HACD2: variants seen among roughly 807,000 people sequenced by gnomAD.
HACD2 encodes very-long-chain (3R)-3-hydroxyacyl-CoA dehydratase 2.
A neutral mutation model predicts 31.0 loss-of-function variants in HACD2; 15 were observed. That is an observed-to-expected ratio of 0.48 (90% CI 0.32 to 0.75). The LOEUF (loss-of-function observed/expected upper bound fraction) is 0.75, where lower values mean the gene tolerates loss of function less well. Among genes scored for constraint, HACD2 ranks in the 30% least tolerant of loss-of-function variants. The pLI, the probability that HACD2 is intolerant of heterozygous loss-of-function variation, is 0.03. For missense variants in HACD2, 283 were observed against 313.0 expected, an observed-to-expected ratio of 0.90 and a Z score of 0.72; for synonymous variants, 115 against 122.2, an observed-to-expected ratio of 0.94 and a Z score of 0.39.
intron 6 of HACD2, among the ~76,000 whole-genome samples, chr3:123,497,858 G>A (rs2055853655): frequency 1.3e-5 from 2 of 152,222 alleles, no homozygotes; most frequent in Admixed American, 6.5e-5. Context: ...AAAAGGAGGT[G>A]TTACTTTATA....
chr3:123,561,223 T>C (rs1351813870), intron 3 of HACD2, among the ~76,000 whole-genome samples: 1 of 152,160 alleles, frequency 6.6e-6, no homozygotes, highest in African/African-American at 2.4e-5. Flanking sequence ...CTTTGTTACC[T>C]AATAAAATCA....
intron 3 of HACD2, among the ~76,000 whole-genome samples, chr3:123,547,963 T>C (rs2107728014): frequency 6.6e-6 from 1 of 152,092 alleles, no homozygotes; most frequent in East Asian, 1.9e-4. Flanking sequence ...AAGCACACAG[T>C]AAGCAAGTGG....
At chr3:123,514,105 C>A (rs1405143487) in intron 4 of HACD2, among the ~76,000 whole-genome samples, 1 of 151,974 alleles carries the variant, frequency 6.6e-6, no homozygotes, top group Non-Finnish European at 1.5e-5. Flanking sequence ...TGAAACCCTG[C>A]CACTACAAAA....
chr3:123,549,727 G>A (rs2056598486), intron 3 of HACD2, among the ~76,000 whole-genome samples: 1 of 152,110 alleles, frequency 6.6e-6, no homozygotes, highest in African/African-American at 2.4e-5. Flanking sequence ...AAACCTGGGT[G>A]ACAGAGCAAG....
At position 123,493,718 on chromosome 3, in the gene HACD2, T is replaced by C. The variant is rs1194065221; in HGVS notation, c.*1170A>G. 1 of 152,218 alleles carries C rather than the reference T, an allele frequency of 6.6e-6. No homozygotes were observed. The highest frequency in any genetic ancestry group is 1.5e-5 in the Non-Finnish European group (1 of 68,040). The allele number at this position is 152,218 out of a possible 1,614,324, so 9.4% of individuals were successfully genotyped here. The stretch of plus-strand genomic sequence containing the variant: ...TGAGGATGTGACATGGATTAGACAA[T>C]GTCGGTAGTACCAAACTATTTCTTG... On this transcript the variant is annotated 3_prime_UTR_variant, in exon 7 of 7. Coordinates refer to ENST00000383657, the MANE Select transcript of HACD2 (RefSeq NM_198402.5).
chr3:123,507,939 T>C (rs989963365), intron 4 of HACD2, among the ~76,000 whole-genome samples: 1 of 151,860 alleles, frequency 6.6e-6, no homozygotes, highest in African/African-American at 2.4e-5. Flanking sequence ...GGTGAGAGGA[T>C]AGCTTAAGGC....
chr3:123,571,606 C>G (rs2056856516), intron 2 of HACD2, among the ~76,000 whole-genome samples: 1 of 152,178 alleles, frequency 6.6e-6, no homozygotes, highest in African/African-American at 2.4e-5. Flanking sequence ...ACACCTACAA[C>G]TAGATTCAGC....
At chr3:123,539,938 A>AG in intron 3 of HACD2, among the ~76,000 whole-genome samples, 1 of 149,462 alleles carries the variant, frequency 6.7e-6, no homozygotes, top group African/African-American at 2.5e-5. Flanking sequence ...AAAAAAAAAA[A>AG]AAGACAGGCA....
At chr3:123,514,132 G>A (rs765917744) in intron 4 of HACD2, among the ~76,000 whole-genome samples, 16 of 152,150 alleles carry the variant, frequency 1.1e-4, no homozygotes, top group Admixed American at 5.9e-4. Flanking sequence ...AAAATTAGCC[G>A]AGCGTGGTGG....
Position 123,564,359 on chromosome 3 carries a change from C to T in HACD2, c.292+3403G>A, listed in dbSNP as rs1040857380. Among the ~76,000 whole-genome samples, 3 of 152,312 alleles carry T rather than the reference C, an allele frequency of 2.0e-5. No homozygotes were observed. The East Asian group carries it at 5.8e-4, about 29-fold the overall frequency. ...AGAAGGGCAATGAGCTAAGACAGAA[C>T]TCCAGAAACACTCATGATTAAGGGA... On this transcript the variant is annotated intron_variant, in intron 3 of 6. Transcript: ENST00000383657.
At chr3:123,507,729 T>A (rs1427963076) in intron 4 of HACD2, among the ~76,000 whole-genome samples, 1 of 151,980 alleles carries the variant, frequency 6.6e-6, no homozygotes, top group African/African-American at 2.4e-5. Context: ...CACAAAAATT[T>A]TAAAAAATAA....
intron 3 of HACD2, among the ~76,000 whole-genome samples, chr3:123,551,591 T>A (rs888513648): frequency 1.3e-5 from 2 of 151,432 alleles, no homozygotes; most frequent in Admixed American, 6.6e-5. Flanking sequence ...GCCATTGCAC[T>A]CCAGCCTGGT....
intron 2 of HACD2, among the ~76,000 whole-genome samples, chr3:123,578,270 A>C (rs1269267844): frequency 6.6e-6 from 1 of 152,010 alleles, no homozygotes; most frequent in Non-Finnish European, 1.5e-5. Context: ...CATTTTATTT[A>C]TAGATACTTT....
At chr3:123,548,885 A>G (rs2056589005) in intron 3 of HACD2, among the ~76,000 whole-genome samples, 1 of 151,724 alleles carries the variant, frequency 6.6e-6, no homozygotes, top group African/African-American at 2.4e-5. Flanking sequence ...TTGGCCTCCC[A>G]AAGTGCTGGG....
chr3:123,576,107 T>A lies in HACD2; in HGVS notation c.273+6105A>T, dbSNP rs534087310. Among the ~76,000 whole-genome samples, 19 of 152,336 alleles carry A rather than the reference T, an allele frequency of 1.2e-4. No individual in the cohort carries two copies. The East Asian group carries it at 3.3e-3, about 26-fold the overall frequency. ...CTTTTACATGGTGAACTTTGAAAAT[T>A]TCCCTATGACTTCTGTTCTGCAATT... is the stretch of plus-strand genomic sequence containing the variant. On this transcript the variant is annotated intron_variant, in intron 2 of 6. Coordinates refer to ENST00000383657, the MANE Select transcript of HACD2 (RefSeq NM_198402.5).
At chr3:123,495,056 G>A (rs2055816207) in intron 6 of HACD2, 86 bp from the exon 7 acceptor site, 3 of 778,206 alleles carry the variant, frequency 3.9e-6, no homozygotes, top group Non-Finnish European at 6.2e-6. Flanking sequence ...GGTCCTCTCT[G>A]ACCCTCTGAC....
At chr3:123,555,867 C>T (rs989916883) in intron 3 of HACD2, among the ~76,000 whole-genome samples, 1 of 152,138 alleles carries the variant, frequency 6.6e-6, no homozygotes, top group African/African-American at 2.4e-5. Context: ...TAAACATATA[C>T]ATCAATAGAA....
At chr3:123,514,988 C>T (rs1270542906) in intron 4 of HACD2, among the ~76,000 whole-genome samples, 1 of 152,222 alleles carries the variant, frequency 6.6e-6, no homozygotes, top group Non-Finnish European at 1.5e-5. Flanking sequence ...AACAGTTATA[C>T]AGAAATTTGT....
At chr3:123,574,528 G>T (rs2056887829) in intron 2 of HACD2, among the ~76,000 whole-genome samples, 1 of 151,966 alleles carries the variant, frequency 6.6e-6, no homozygotes, top group Admixed American at 6.5e-5. Flanking sequence ...AAATTAACAG[G>T]ATTTGTAGAT....
Sources: gnomAD v4.1 joint callset for allele counts (sites outside exome capture counted in the v4.1 genomes callset) on GRCh38, gnomAD v4.1.1 for gene constraint, MANE v1.5 for transcripts, NCBI Gene and HGNC (gene_info 2026-07-23, HGNC 2026-07-21) for gene names.